Variants in TNR observed in about 807,000 individuals in gnomAD.
The protein encoded by TNR is tenascin R.
TNR carries 45 observed loss-of-function variants against 150.4 expected under a neutral mutation model. The observed-to-expected ratio is 0.30, with a 90% CI of 0.24 to 0.38. The LOEUF is 0.38. TNR is among the 10% of genes least tolerant of loss of function. The probability of loss-of-function intolerance (pLI) is 1.00; values close to 1 mark genes in which losing one functional copy is unlikely to be tolerated. For missense variants in TNR, 1,544 were observed against 1,759.1 expected (o/e 0.88, Z 2.19); for synonymous variants, 687 against 678.4 (o/e 1.01, Z -0.20).
chr1:175,647,829 C>T (rs1393594165), intron 1 of TNR, among the ~76,000 whole-genome samples: 3 of 152,108 alleles, frequency 2.0e-5, no homozygotes, highest in Non-Finnish European at 4.4e-5. Context: ...CCATCAGTTT[C>T]TTCTTTCAAT....
At chr1:175,343,822 C>G (rs1047273341) in intron 18 of TNR, among the ~76,000 whole-genome samples, 1 of 152,128 alleles carries the variant, frequency 6.6e-6, no homozygotes, top group African/African-American at 2.4e-5. Context: ...TAAAATAGGC[C>G]AGAGCAAGTT....
intron 2 of TNR, among the ~76,000 whole-genome samples, chr1:175,431,120 C>A (rs1655243221): frequency 6.6e-6 from 1 of 152,166 alleles, no homozygotes; most frequent in South Asian, 2.1e-4. Context: ...TTTGCATAAT[C>A]ATCTGCATGA....
intron 1 of TNR, among the ~76,000 whole-genome samples, chr1:175,674,316 G>A (rs777181334): frequency 5.9e-5 from 9 of 152,216 alleles, no homozygotes; most frequent in Non-Finnish European, 1.3e-4. Flanking sequence ...GAGCAATTCT[G>A]TTTAAAATGG....
At chr1:175,573,983 C>G (rs561389656) in intron 1 of TNR, among the ~76,000 whole-genome samples, 3 of 152,282 alleles carry the variant, frequency 2.0e-5, no homozygotes, top group Admixed American at 1.3e-4. Context: ...GGATGGTTGG[C>G]CAAGGGGGCC....
intron 1 of TNR, among the ~76,000 whole-genome samples, chr1:175,703,684 CA>C (rs1558082017): frequency 6.6e-6 from 1 of 151,934 alleles, no homozygotes; most frequent in African/African-American, 2.4e-5. Flanking sequence ...AGGTAAATCA[CA>C]AAAAAAGAAA....
chr1:175,524,340 G>A (rs1362700880), intron 2 of TNR, among the ~76,000 whole-genome samples: 1 of 152,132 alleles, frequency 6.6e-6, no homozygotes, highest in East Asian at 1.9e-4. Context: ...TAAATGGTGA[G>A]AAGTGAATGG....
chr1:175,476,722 A>G (rs986574573), intron 2 of TNR, among the ~76,000 whole-genome samples: 4 of 152,228 alleles, frequency 2.6e-5, no homozygotes, highest in Non-Finnish European at 5.9e-5. Context: ...TTATCGGGTA[A>G]TAACACCATT....
intron 1 of TNR, among the ~76,000 whole-genome samples, chr1:175,702,300 G>C (rs1038350901): frequency 6.6e-6 from 1 of 152,132 alleles, no homozygotes; most frequent in Non-Finnish European, 1.5e-5. Context: ...CCACTGAGAC[G>C]CCTGCTCAGT....
intron 1 of TNR, among the ~76,000 whole-genome samples, chr1:175,537,946 G>A (rs780330542): frequency 1.3e-5 from 2 of 152,312 alleles, no homozygotes; most frequent in South Asian, 4.1e-4. Flanking sequence ...TGCAAATCCA[G>A]TGGAGACATG....
chr1:175,692,677 A>G (rs1666404781), intron 1 of TNR, among the ~76,000 whole-genome samples: 1 of 152,178 alleles, frequency 6.6e-6, no homozygotes, highest in East Asian at 1.9e-4. Context: ...GAATGGGTCC[A>G]CTAACAGGGG....
At chr1:175,638,056 C>G (rs540545025) in intron 1 of TNR, among the ~76,000 whole-genome samples, 1 of 152,174 alleles carries the variant, frequency 6.6e-6, no homozygotes, top group Non-Finnish European at 1.5e-5. Context: ...AGTTGCTCCT[C>G]TCTGCAGAAG....
chr1:175,324,208 C>A (rs943764195), intron 22 of TNR, 148 bp downstream of exon 22: 1 of 938,994 alleles, frequency 1.1e-6, no homozygotes, highest in African/African-American at 1.7e-5. Context: ...TGATCTTATC[C>A]CATTGTCTGC....
intron 1 of TNR, among the ~76,000 whole-genome samples, chr1:175,637,489 G>C (rs1051853906): frequency 2.0e-5 from 3 of 152,140 alleles, no homozygotes; most frequent in African/African-American, 4.8e-5. Context: ...CCACCCTATG[G>C]TTGAGGGGAG....
At chr1:175,719,405 C>T (rs1667241105) in intron 1 of TNR, among the ~76,000 whole-genome samples, 1 of 152,188 alleles carries the variant, frequency 6.6e-6, no homozygotes, top group South Asian at 2.1e-4. Context: ...GCAGCCTGTG[C>T]AGCCATCAGA....
chr1:175,653,439 T>C (rs1665066378), intron 1 of TNR, among the ~76,000 whole-genome samples: 1 of 152,158 alleles, frequency 6.6e-6, no homozygotes, highest in African/African-American at 2.4e-5. Context: ...CTATATATGG[T>C]ATTTTAAAAC....
At chr1:175,691,536 C>T (rs1375346615) in intron 1 of TNR, among the ~76,000 whole-genome samples, 1 of 152,022 alleles carries the variant, frequency 6.6e-6, no homozygotes, top group African/African-American at 2.4e-5. Flanking sequence ...CACTGTGTTC[C>T]TTAACAAGCC....
intron 2 of TNR, among the ~76,000 whole-genome samples, chr1:175,422,275 T>C (rs965794069): frequency 6.6e-6 from 1 of 152,184 alleles, no homozygotes; most frequent in Admixed American, 6.5e-5. Flanking sequence ...CTGTTTGTTT[T>C]CCCCCTGGAG....
chr1:175,640,619 C>G (rs1196297858), intron 1 of TNR, among the ~76,000 whole-genome samples: 1 of 152,110 alleles, frequency 6.6e-6, no homozygotes, highest in African/African-American at 2.4e-5. Context: ...CTGCCATTCC[C>G]TTATATCTCC....
At chr1:175,717,390 G>T (rs192670354) in intron 1 of TNR, among the ~76,000 whole-genome samples, 1 of 152,052 alleles carries the variant, frequency 6.6e-6, no homozygotes, top group East Asian at 1.9e-4. Flanking sequence ...TCAGCATCAC[G>T]CAATATACCC....
Sources: allele counts gnomAD v4.1 joint callset (sites outside exome capture counted in the v4.1 genomes callset), GRCh38; gene constraint gnomAD v4.1.1; transcripts MANE v1.5; gene names NCBI Gene and HGNC (gene_info 2026-07-23, HGNC 2026-07-21).